The following NIPAL2 variants were observed in gnomAD, a reference collection of about 807,000 sequenced individuals.
NIPAL2 encodes the protein NIPA like domain containing 2.
Under a neutral mutation model 48.9 loss-of-function variants are expected in NIPAL2, and 43 were observed. The ratio of observed to expected loss-of-function variants is 0.88; its 90% CI spans 0.69 to 1.13. The LOEUF (loss-of-function observed/expected upper bound fraction) is 1.13, where lower values mean the gene tolerates loss of function less well. NIPAL2 is among the 50% of genes most tolerant of loss of function. The probability of loss-of-function intolerance (pLI) is 0.00; values close to 1 mark genes in which losing one functional copy is unlikely to be tolerated. For synonymous variants in NIPAL2, 167 were observed against 174.6 expected (o/e 0.96, Z 0.34); for missense variants, 446 against 461.4 (o/e 0.97, Z 0.31).
intron 1 of NIPAL2, among the ~76,000 whole-genome samples, chr8:98,285,523 C>T (rs114098480): frequency 0.01 from 1,523 of 152,086 alleles, 30 homozygotes; most frequent in South Asian, 0.03. Context: ...GAAGTATGTA[C>T]CCTAGAGGGG....
Position 98,189,915 on chromosome 8 carries a change from G to C in NIPAL2, c.*3063C>G, listed in dbSNP as rs1810234515. On this transcript the variant is annotated 3_prime_UTR_variant, in exon 11 of 11. Coordinates refer to ENST00000430223, the MANE Select transcript of NIPAL2 (RefSeq NM_001321635.2). ...AGTTACAGGGCAAGCAAACATTTAA[G>C]CCAAAAAACAATCATATGGCAAAGG... 1 of 152,144 alleles carries C rather than the reference G, an allele frequency of 6.6e-6. No homozygotes were observed. The highest frequency in any genetic ancestry group is 1.5e-5 in the Non-Finnish European group (1 of 68,024). 9.4% of individuals were successfully genotyped at this position (152,144 alleles called of 1,614,324 possible).
At chr8:98,219,210 A>T (rs1811724528) in intron 5 of NIPAL2, among the ~76,000 whole-genome samples, 1 of 152,158 alleles carries the variant, frequency 6.6e-6, no homozygotes, top group Non-Finnish European at 1.5e-5. Flanking sequence ...AGGGTTGAGT[A>T]ATAAGTGGAC....
At chr8:98,225,185 A>G (rs79681483) in intron 4 of NIPAL2, among the ~76,000 whole-genome samples, 3,814 of 152,276 alleles carry the variant, frequency 0.025, 81 homozygotes, top group Non-Finnish European at 0.04. Context: ...TTTTTATTTC[A>G]GCTATCTGCA....
At chr8:98,225,953 A>G (rs538041991) in intron 4 of NIPAL2, among the ~76,000 whole-genome samples, 2 of 151,770 alleles carry the variant, frequency 1.3e-5, no homozygotes, top group Non-Finnish European at 2.9e-5. Flanking sequence ...CCTGTTTTCA[A>G]GCTCGCTAAT....
chr8:98,280,753 T>TAGAGAGAG (rs1270897782), intron 1 of NIPAL2, among the ~76,000 whole-genome samples: 8 of 38,112 alleles, frequency 2.1e-4, no homozygotes, highest in Admixed American at 1.0e-3. Flanking sequence ...TATATATATA[T>TAGAGAGAG]ATATATATAG....
At chr8:98,255,208 G>C (rs1393418583) in intron 1 of NIPAL2, among the ~76,000 whole-genome samples, 1 of 152,166 alleles carries the variant, frequency 6.6e-6, no homozygotes, top group African/African-American at 2.4e-5. Context: ...CGTTGCCCAA[G>C]ATGTTTATCA....
At chr8:98,283,281 C>T (rs925827198) in intron 1 of NIPAL2, among the ~76,000 whole-genome samples, 2 of 152,194 alleles carry the variant, frequency 1.3e-5, no homozygotes, top group African/African-American at 4.8e-5. Context: ...ATGTAAGTCT[C>T]AGCAGAGCAA....
chr8:98,294,110 C>G lies in NIPAL2; in HGVS notation c.28G>C (p.Gly10Arg). The change falls in exon 1 of 11, where the codon GGG becomes CGG. Residue 10 changes from glycine (G) to arginine (R), a missense_variant. By Grantham distance (125) the Gly-to-Arg change is moderately radical. Transcript: ENST00000430223. ...TCCAGGGCGGCCGAGGCGGAGTCCC[C>G]GGGGCCCGCGGGCGCCACCGCTGCC... MAAVAPAGP[G>R]DSASAALDEL... 2.0e-6 allele frequency: 3 copies of G among 1,473,674 alleles called. No homozygotes were observed. The highest frequency in any genetic ancestry group is 2.5e-5 in the Admixed American group (1 of 40,390). 91.3% of individuals were successfully genotyped at this position (1,473,674 alleles called of 1,614,324 possible). A position where few individuals can be genotyped will look rare whatever the true frequency, so the allele number is the denominator to read the frequency against.
chr8:98,282,443 C>T (rs963352213), intron 1 of NIPAL2, among the ~76,000 whole-genome samples: 3 of 152,072 alleles, frequency 2.0e-5, no homozygotes, highest in African/African-American at 7.2e-5. Context: ...GAAGACCAAG[C>T]AGGAGATAGA....
intron 1 of NIPAL2, among the ~76,000 whole-genome samples, chr8:98,284,298 C>T (rs1211822866): frequency 6.6e-6 from 1 of 152,100 alleles, no homozygotes; most frequent in Non-Finnish European, 1.5e-5. Flanking sequence ...AAAACAGTAC[C>T]ATGTTAGTTC....
intron 1 of NIPAL2, among the ~76,000 whole-genome samples, chr8:98,264,693 T>A (rs1046382599): frequency 1.3e-5 from 2 of 150,910 alleles, no homozygotes; most frequent in African/African-American, 2.4e-5. Flanking sequence ...ATCGTGAAAA[T>A]GGCCATACTG....
Position 98,208,522 on chromosome 8 carries a change from C to T in NIPAL2, c.656-3276G>A, listed in dbSNP as rs183986846. Among the ~76,000 whole-genome samples the T allele has an allele frequency of 1.7e-3, 252 of 152,156 alleles. 3 individuals are homozygous for T. The highest frequency in any genetic ancestry group is 5.8e-3 in the African/African-American group (242 of 41,512). Reference sequence around the variant, plus strand: ...GGAGTGCAATGGTGCGATCTTGGCTCACTGCAATCTCCACCTCGTGGGTTC... The same window carrying T: ...GGAGTGCAATGGTGCGATCTTGGCTTACTGCAATCTCCACCTCGTGGGTTC... On this transcript the variant is annotated intron_variant, in intron 6 of 10. Coordinates refer to ENST00000430223, the MANE Select transcript of NIPAL2 (RefSeq NM_001321635.2).
intron 1 of NIPAL2, among the ~76,000 whole-genome samples, chr8:98,275,818 C>G (rs1418749219): frequency 1.3e-5 from 2 of 152,148 alleles, no homozygotes; most frequent in Non-Finnish European, 2.9e-5. Flanking sequence ...ATAAAAGCTT[C>G]CATTTGTTTT....
intron 3 of NIPAL2, among the ~76,000 whole-genome samples, chr8:98,245,700 A>G (rs570361053): frequency 5.5e-4 from 84 of 152,360 alleles, no homozygotes; most frequent in Non-Finnish European, 9.6e-4. Context: ...CTTCATCATT[A>G]GCAGCCTCTC....
At chr8:98,240,005 C>A (rs1812906047) in intron 3 of NIPAL2, among the ~76,000 whole-genome samples, 1 of 152,052 alleles carries the variant, frequency 6.6e-6, no homozygotes, top group African/African-American at 2.4e-5. Context: ...CTAATGAACA[C>A]CTAGAAAAGG....
At chr8:98,259,321 C>G (rs957641497) in intron 1 of NIPAL2, among the ~76,000 whole-genome samples, 1 of 151,762 alleles carries the variant, frequency 6.6e-6, no homozygotes, top group African/African-American at 2.4e-5. Flanking sequence ...GTGATCCGCC[C>G]GTCTCGGCCT....
rs923693721 is a variant in NIPAL2, at chr8:98,294,197, T to G, written c.-60A>C. The G allele has an allele frequency of 1.5e-5, 18 of 1,234,352 alleles. No individual in the cohort carries two copies. In the East Asian group the frequency reaches 2.7e-4, roughly 19 times the overall value. The allele number at this position is 1,234,352 out of a possible 1,614,324, so 76.5% of individuals were successfully genotyped here. ...GGCTGCGGCCGCCTCCCCGCCCTGT[T>G]GCACCGCGAGGAGGCCGCGCCGCAG... On this transcript the variant is annotated 5_prime_UTR_variant, in exon 1 of 11. Coordinates refer to ENST00000430223, the MANE Select transcript of NIPAL2 (RefSeq NM_001321635.2).
chr8:98,251,635 C>T (rs1321759671), intron 3 of NIPAL2: 2 of 152,082 alleles, frequency 1.3e-5, no homozygotes, highest in Non-Finnish European at 2.9e-5. Flanking sequence ...GAATCTACAT[C>T]GTTTCAGTTT....
chr8:98,244,006 G>GT lies in NIPAL2; in HGVS notation c.377-7793dup, dbSNP rs1265923656. Among the ~76,000 whole-genome samples, 9 of 152,028 alleles carry GT rather than the reference G, an allele frequency of 5.9e-5. No homozygotes were observed. In the East Asian group the frequency reaches 1.5e-3, roughly 26 times the overall value. On this transcript the variant is annotated intron_variant, in intron 3 of 10. Transcript: ENST00000430223. Reference sequence around the variant, plus strand: ...TTGTTCACTTTGTTTATTTCTTTCTGTTTTTTTACCCTTTATTATCACTTC... The same window carrying GT: ...TTGTTCACTTTGTTTATTTCTTTCTGTTTTTTTTACCCTTTATTATCACTTC...
Sources: gnomAD v4.1 joint callset for allele counts (sites outside exome capture counted in the v4.1 genomes callset) on GRCh38, gnomAD v4.1.1 for gene constraint, MANE v1.5 for transcripts, NCBI Gene and HGNC (gene_info 2026-07-23, HGNC 2026-07-21) for gene names.